The following JUP variants were observed in gnomAD, a reference collection of about 807,000 sequenced individuals.
The protein encoded by JUP is catenin (cadherin-associated protein), gamma 80kDa.
Under a neutral mutation model 71.1 loss-of-function variants are expected in JUP, and 28 were observed. The ratio of observed to expected loss-of-function variants is 0.39; its 90% CI spans 0.29 to 0.54. The LOEUF is 0.54. JUP is among the 20% of genes least tolerant of loss of function. JUP has a pLI of 0.62. For synonymous variants in JUP, 401 were observed against 438.9 expected, an observed-to-expected ratio of 0.91 and a Z score of 1.08; for missense variants, 869 against 1,030.1, an observed-to-expected ratio of 0.84 and a Z score of 2.14.
intron 10 of JUP, 104 bp from the exon 11 acceptor site, chr17:41,757,888 A>G (rs1248641751): frequency 2.1e-6 from 2 of 969,582 alleles, no homozygotes; most frequent in African/African-American, 1.6e-5. Context: ...TAGCAATTCC[A>G]TAGTGGAAAA....
chr17:41,783,555 C>G (rs957192536), intron 1 of JUP, among the ~76,000 whole-genome samples: 1 of 151,938 alleles, frequency 6.6e-6, no homozygotes, highest in East Asian at 1.9e-4. Flanking sequence ...GGCCTCCTAA[C>G]GTGCTGGGAT....
chr17:41,763,581 G>C (rs1012732889), intron 7 of JUP, among the ~76,000 whole-genome samples: 21 of 152,272 alleles, frequency 1.4e-4, no homozygotes, highest in African/African-American at 4.8e-4. Flanking sequence ...CCCAGGCTTG[G>C]CTCTAAGCCC....
chr17:41,784,787 C>T (rs2047366580), intron 1 of JUP, among the ~76,000 whole-genome samples: 1 of 152,112 alleles, frequency 6.6e-6, no homozygotes, highest in South Asian at 2.1e-4. Context: ...TCTTCCCCTC[C>T]AAGCACTCTC....
Position 41,769,400 on chromosome 17 carries a change from G to C in JUP, c.468+18C>G, listed in dbSNP as rs1555605600. 2 of 1,605,066 alleles carry C rather than the reference G, an allele frequency of 1.2e-6. No individual in the cohort carries two copies. The highest frequency in any genetic ancestry group is 1.7e-6 in the Non-Finnish European group (2 of 1,176,958). On this transcript the variant is annotated intron_variant, in intron 3 of 13. Coordinates refer to ENST00000393931, the MANE Select transcript of JUP (RefSeq NM_002230.4). ...CCCTCCCTGCCCAGCCCCCACCCTA[G>C]CAGGGACCCTCACAGACCGGGTCCT...
chr17:41,767,830 G>A (rs1472832753), intron 4 of JUP, among the ~76,000 whole-genome samples: 5 of 152,206 alleles, frequency 3.3e-5, no homozygotes, highest in African/African-American at 7.2e-5. Context: ...TGTGCTGAGC[G>A]CACAGTAGGT....
In JUP at chr17:41,767,641, C is replaced by G. The variant is rs1915945070; in HGVS notation, c.708-61G>C. ...CCAGAGGCCTGGCATACATGTGAGC[C>G]TGGCATGGGTTCCCACCTCCCCCAG... On this transcript the variant is annotated intron_variant, in intron 4 of 13. Transcript: ENST00000393931. 2.5e-5 allele frequency: 35 copies of G among 1,408,132 alleles called. No homozygotes were observed. In the East Asian group the frequency reaches 3.3e-4, roughly 13 times the overall value. 87.2% of individuals were successfully genotyped at this position (1,408,132 alleles called of 1,614,324 possible). A position where few individuals can be genotyped will look rare whatever the true frequency, so the allele number is the denominator to read the frequency against.
chr17:41,755,505 C>T lies in JUP; in HGVS notation c.*239G>A, dbSNP rs115919416. On this transcript the variant is annotated 3_prime_UTR_variant, in exon 14 of 14. Transcript: ENST00000393931. ...GCATCCCCAGAAGCTCAAGCCACTC[C>T]GTGTCACCTGCCCACCACCCCCAGA... 918 of 448,330 alleles carry T rather than the reference C, an allele frequency of 2.0e-3. 5 individuals are homozygous for T. The highest frequency in any genetic ancestry group is 0.017 in the African/African-American group (866 of 49,972). The allele number at this position is 448,330 out of a possible 1,614,324, so 27.8% of individuals were successfully genotyped here. A position where few individuals can be genotyped will look rare whatever the true frequency, so the allele number is the denominator to read the frequency against.
chr17:41,779,236 C>CAA (rs782818472), intron 1 of JUP, among the ~76,000 whole-genome samples: 45 of 109,334 alleles, frequency 4.1e-4, no homozygotes, highest in Non-Finnish European at 7.3e-4. Context: ...AACTCCGTCT[C>CAA]AAAAAAAAAA....
chr17:41,773,131 C>A (rs555315979), intron 1 of JUP, among the ~76,000 whole-genome samples: 1 of 152,176 alleles, frequency 6.6e-6, no homozygotes, highest in Non-Finnish European at 1.5e-5. Flanking sequence ...CACATCCCGG[C>A]GCAGCCTCAG....
At chr17:41,768,847 G>T in intron 4 of JUP, 122 bp downstream of exon 4, 1 of 799,054 alleles carries the variant, frequency 1.3e-6, no homozygotes, top group Non-Finnish European at 2.1e-6. Context: ...ACCCGGATGG[G>T]GTGTGCTTCT....
intron 5 of JUP, among the ~76,000 whole-genome samples, chr17:41,766,129 A>G (rs1275445563): frequency 6.6e-6 from 1 of 152,088 alleles, no homozygotes; most frequent in Non-Finnish European, 1.5e-5. Flanking sequence ...GTATGTTCTC[A>G]TAGTCCTAGC....
chr17:41,771,795 G>A lies in JUP; in HGVS notation c.60C>T (p.Tyr20=), dbSNP rs1916694800. The A allele has an allele frequency of 6.2e-7, 1 of 1,613,846 alleles. No homozygotes were observed. The highest frequency in any genetic ancestry group is 1.3e-5 in the African/African-American group (1 of 75,038). The change falls in exon 2 of 14, where the codon TAC becomes TAT. Residue 20 remains tyrosine (Y), a synonymous_variant. Coordinates refer to ENST00000393931, the MANE Select transcript of JUP (RefSeq NM_002230.4). ...PIKVTEWQQT[Y]TYDSGIHSGA... is the part of the protein sequence containing the mutation. ...CCGAGTGGATACCCGAGTCGTAGGTGTATGTCTGCTGCCACTCAGTCACCT... is the reference window on the plus strand; with the variant it reads ...CCGAGTGGATACCCGAGTCGTAGGTATATGTCTGCTGCCACTCAGTCACCT...
chr17:41,762,145 GA>G (rs1555601502), intron 8 of JUP, among the ~76,000 whole-genome samples: 1 of 111,100 alleles, frequency 9.0e-6, no homozygotes, highest in Non-Finnish European at 1.9e-5. Flanking sequence ...GAGAGAGAGA[GA>G]GAGAGAGAGA....
Position 41,772,715 on chromosome 17 carries a change from C to A in JUP, c.-8-853G>T, listed in dbSNP as rs1916854837. 3 of 772,324 alleles carry A rather than the reference C, an allele frequency of 3.9e-6. No homozygotes were observed. In the African/African-American group the frequency reaches 5.7e-5, roughly 15 times the overall value. 47.8% of individuals were successfully genotyped at this position (772,324 alleles called of 1,614,324 possible). The stretch of plus-strand genomic sequence containing the variant: ...TCCTCCAGAAGTGCTTCCTCACCTC[C>A]TGGTCTCCTCGAGCCCAGGCTAGGG... On this transcript the variant is annotated intron_variant, in intron 1 of 13. Coordinates refer to ENST00000393931, the MANE Select transcript of JUP (RefSeq NM_002230.4).
chr17:41,771,569 T>C (rs1916651223), intron 2 of JUP, 78 bp downstream of exon 2: 2 of 1,338,158 alleles, frequency 1.5e-6, no homozygotes, highest in Non-Finnish European at 2.1e-6. Context: ...CCCTACAATC[T>C]GCCTCCTTTC....
intron 1 of JUP, among the ~76,000 whole-genome samples, chr17:41,780,805 G>C (rs1353467768): frequency 1.3e-5 from 2 of 152,088 alleles, no homozygotes; most frequent in Admixed American, 1.3e-4. Context: ...AGCATGTCGG[G>C]AGGCCAAGGT....
At chr17:41,776,179 C>T (rs1253143891) in intron 1 of JUP, 1 of 163,632 alleles carries the variant, frequency 6.1e-6, no homozygotes, top group Non-Finnish European at 1.3e-5. Context: ...AGGGCTGGGT[C>T]CCCCAGAGGT....
At chr17:41,762,883 C>T (rs1406609936) in intron 8 of JUP, 100 bp downstream of exon 8, 29 of 906,052 alleles carry the variant, frequency 3.2e-5, no homozygotes, top group East Asian at 1.3e-4. Flanking sequence ...TTATTCGAGC[C>T]ACTGTATTTA....
At chr17:41,766,409 C>T (rs1172064179) in intron 5 of JUP, among the ~76,000 whole-genome samples, 2 of 151,584 alleles carry the variant, frequency 1.3e-5, no homozygotes, top group African/African-American at 4.8e-5. Context: ...GACAATATAG[C>T]AAAAAAAAAT....
Sources: allele counts gnomAD v4.1 joint callset (sites outside exome capture counted in the v4.1 genomes callset), GRCh38; gene constraint gnomAD v4.1.1; transcripts MANE v1.5; gene names NCBI Gene and HGNC (gene_info 2026-07-23, HGNC 2026-07-21).